SLC24A2: variants seen among roughly 807,000 people sequenced by gnomAD.
SLC24A2 encodes sodium/potassium/calcium exchanger 2.
In SLC24A2, 36 loss-of-function variants were observed where a neutral mutation model predicts 62.0. That is an observed-to-expected ratio of 0.58 (90% confidence interval 0.44 to 0.77). The LOEUF (loss-of-function observed/expected upper bound fraction) is 0.77. Among genes scored for constraint, SLC24A2 ranks in the 30% least tolerant of loss-of-function variants. SLC24A2 has a pLI of 0.00. For missense variants in SLC24A2, 846 were observed against 817.9 expected (o/e 1.03, Z -0.42); for synonymous variants, 358 against 294.0 (o/e 1.22, Z -2.23).
chr9:19,982,571 T>A, the SLC24A2 span, among the ~76,000 whole-genome samples: 1 of 152,148 alleles, frequency 6.6e-6, no homozygotes, highest in Non-Finnish European at 1.5e-5. Flanking sequence ...TAAGATGTGA[T>A]TAGACTGGCT....
the SLC24A2 span, among the ~76,000 whole-genome samples, chr9:20,206,882 G>GA: frequency 5.6e-4 from 2 of 3,550 alleles, no homozygotes; most frequent in Non-Finnish European, 2.7e-3. Flanking sequence ...AAACTAAGTT[G>GA]GGGGGGGCGG....
chr9:20,160,811 T>A, the SLC24A2 span, among the ~76,000 whole-genome samples: 2 of 150,758 alleles, frequency 1.3e-5, no homozygotes, highest in East Asian at 2.0e-4. Context: ...ACAAATGAAA[T>A]GTTTTAAAAA....
intron 2 of SLC24A2, among the ~76,000 whole-genome samples, chr9:19,701,151 C>A (rs1030566278): frequency 2.0e-5 from 3 of 152,200 alleles, no homozygotes; most frequent in Non-Finnish European, 2.9e-5. Flanking sequence ...AAGGCCCTCC[C>A]TGTTTAGGGA....
At chr9:19,967,927 A>G in the SLC24A2 span, 1 of 152,180 alleles carries the variant, frequency 6.6e-6, no homozygotes, top group Non-Finnish European at 1.5e-5. Context: ...TGAAAAACCA[A>G]AAAGGTTGGA....
At chr9:19,731,551 G>A (rs1376407877) in intron 2 of SLC24A2, among the ~76,000 whole-genome samples, 1 of 151,370 alleles carries the variant, frequency 6.6e-6, no homozygotes, top group African/African-American at 2.4e-5. Context: ...GTGCATGTGT[G>A]CACATGCACA....
chr9:20,232,486 T>G, the SLC24A2 span, among the ~76,000 whole-genome samples: 1 of 152,210 alleles, frequency 6.6e-6, no homozygotes, highest in Non-Finnish European at 1.5e-5. Context: ...GTCGAGGAAT[T>G]TATCCATTTC....
the SLC24A2 span, among the ~76,000 whole-genome samples, chr9:20,003,341 G>C: frequency 6.6e-6 from 1 of 152,120 alleles, no homozygotes; most frequent in Non-Finnish European, 1.5e-5. Context: ...TTTCTCTGTC[G>C]ATATGGTGAG....
At chr9:19,818,114 G>C in the SLC24A2 span, among the ~76,000 whole-genome samples, 1 of 152,092 alleles carries the variant, frequency 6.6e-6, no homozygotes, top group African/African-American at 2.4e-5. Context: ...AGGACTACGA[G>C]ATTTATTTAT....
chr9:20,118,462 T>C, the SLC24A2 span, among the ~76,000 whole-genome samples: 1 of 152,130 alleles, frequency 6.6e-6, no homozygotes, highest in Non-Finnish European at 1.5e-5. Context: ...TGACTGATGC[T>C]TGAGAGATAA....
chr9:19,962,410 G>A, the SLC24A2 span, among the ~76,000 whole-genome samples: 1 of 152,140 alleles, frequency 6.6e-6, no homozygotes, highest in African/African-American at 2.4e-5. Flanking sequence ...AAAGTCATTG[G>A]TAGCCTGATG....
the SLC24A2 span, among the ~76,000 whole-genome samples, chr9:20,244,135 C>A: frequency 5.9e-5 from 9 of 152,104 alleles, no homozygotes; most frequent in African/African-American, 1.7e-4. Context: ...CTCCAAGGAG[C>A]ATCTCTGACT....
chr9:20,103,068 C>T, the SLC24A2 span, among the ~76,000 whole-genome samples: 3 of 152,334 alleles, frequency 2.0e-5, no homozygotes, highest in Non-Finnish European at 2.9e-5. Flanking sequence ...CTTGGAGTGT[C>T]CTACGCCCAC....
intron 8 of SLC24A2, among the ~76,000 whole-genome samples, chr9:19,537,071 T>G (rs919284495): frequency 4.6e-5 from 7 of 151,530 alleles, no homozygotes; most frequent in African/African-American, 1.7e-4. Context: ...CTTGTAAATT[T>G]GTTTGAGTTC....
chr9:20,156,674 G>C, the SLC24A2 span, among the ~76,000 whole-genome samples: 23 of 151,680 alleles, frequency 1.5e-4, no homozygotes, highest in Non-Finnish European at 3.1e-4. Context: ...TGTTGTCTTT[G>C]CCTTTCCTGT....
chr9:20,305,950 G>A, the SLC24A2 span, among the ~76,000 whole-genome samples: 3 of 152,256 alleles, frequency 2.0e-5, no homozygotes, highest in East Asian at 1.9e-4. Flanking sequence ...CTGCCTTCAC[G>A]TGGTCTTTTC....
the SLC24A2 span, among the ~76,000 whole-genome samples, chr9:19,936,908 G>T: frequency 6.6e-6 from 1 of 152,178 alleles, no homozygotes; most frequent in East Asian, 1.9e-4. Context: ...GTGGGATGGG[G>T]TGGAGGCAGA....
chr9:19,833,003 C>A, the SLC24A2 span, among the ~76,000 whole-genome samples: 1 of 152,176 alleles, frequency 6.6e-6, no homozygotes, highest in African/African-American at 2.4e-5. Context: ...CTCATCATCA[C>A]TGGCCATCAG....
intron 2 of SLC24A2, among the ~76,000 whole-genome samples, chr9:19,665,389 G>C (rs141238711): frequency 6.6e-6 from 1 of 152,100 alleles, no homozygotes; most frequent in Non-Finnish European, 1.5e-5. Flanking sequence ...GCTGGCAGCT[G>C]GGATGCTCAG....
At chr9:19,875,306 C>T in the SLC24A2 span, among the ~76,000 whole-genome samples, 1 of 152,138 alleles carries the variant, frequency 6.6e-6, no homozygotes, top group Non-Finnish European at 1.5e-5. Flanking sequence ...GCTCTCATTT[C>T]TTCATAAAGT....
Sources: allele counts gnomAD v4.1 joint callset (sites outside exome capture counted in the v4.1 genomes callset), GRCh38; gene constraint gnomAD v4.1.1; transcripts MANE v1.5; gene names NCBI Gene and HGNC (gene_info 2026-07-23, HGNC 2026-07-21).